The following ATP6V1D variants were observed in gnomAD, a reference collection of about 807,000 sequenced individuals.
ATP6V1D encodes the protein ATPase H+ transporting V1 subunit D.
Under a neutral mutation model 39.4 loss-of-function variants are expected in ATP6V1D, and 20 were observed. The ratio of observed to expected loss-of-function variants is 0.51; its 90% CI spans 0.36 to 0.74. The LOEUF is 0.74. ATP6V1D is among the 30% of genes least tolerant of loss of function. The pLI, the probability that ATP6V1D is intolerant of heterozygous loss-of-function variation, is 0.00. For missense variants in ATP6V1D, 228 were observed against 291.6 expected (o/e 0.78, Z 1.59); for synonymous variants, 100 against 100.5 (o/e 0.99, Z 0.03).
chr14:67,352,915 C>A lies in ATP6V1D; in HGVS notation c.159+8G>T. On this transcript the variant is annotated splice_region_variant and intron_variant, in intron 2 of 8. Coordinates refer to ENST00000216442, the MANE Select transcript of ATP6V1D (RefSeq NM_015994.4). ...AATAAATACTATTCTAAGAAAAGTT[C>A]ATTCTACCTCTATTATCTTCTTTAG... 2 of 1,573,928 alleles carry A rather than the reference C, an allele frequency of 1.3e-6. No homozygotes were observed. Among genetic ancestry groups the A allele is most frequent in the Non-Finnish European group, 1.7e-6 (2 of 1,150,448 alleles).
At position 67,352,927 on chromosome 14, in the gene ATP6V1D, A is replaced by G; in HGVS notation, c.155T>C (p.Ile52Thr). The G allele has an allele frequency of 6.2e-7, 1 of 1,600,122 alleles. No individual in the cohort carries two copies. The highest frequency in any genetic ancestry group is 8.6e-7 in the Non-Finnish European group (1 of 1,168,688). ...LRFRQILKKI[I>T]ETKMLMGEVM... ...TCTAAGAAAAGTTCATTCTACCTCT[A>G]TTATCTTCTTTAGGATCTGTCGAAA... Residue 52 changes from isoleucine to threonine, a missense_variant, in exon 2 of 9, where the codon ATA becomes ACA. Around this residue, in one of 3 missense-constraint regions of ATP6V1D, gnomAD observed 104 missense variants for 120.2 expected, o/e 0.87. Transcript: ENST00000216442.
chr14:67,343,446 A>G lies in ATP6V1D; in HGVS notation c.457-8T>C. The G allele has an allele frequency of 6.3e-7, 1 of 1,576,156 alleles. No individual in the cohort carries two copies. Among genetic ancestry groups the G allele is most frequent in the Non-Finnish European group, 8.7e-7 (1 of 1,146,190 alleles). ...CAAAGTAACAAAAGAAGTCTAAAATAAGAACAAATTAATAATGTAAGCACA... is the reference window on the plus strand; with the variant it reads ...CAAAGTAACAAAAGAAGTCTAAAATGAGAACAAATTAATAATGTAAGCACA... On this transcript the variant is annotated splice_polypyrimidine_tract_variant and splice_region_variant and intron_variant, in intron 6 of 8. Coordinates refer to ENST00000216442, the MANE Select transcript of ATP6V1D (RefSeq NM_015994.4).
chr14:67,359,538 C>G, intron 1 of ATP6V1D, 120 bp downstream of exon 1: 1 of 1,156,634 alleles, frequency 8.6e-7, no homozygotes, highest in Non-Finnish European at 1.2e-6. Context: ...AGAAAAGAAC[C>G]TGGGAAAAGC....
At chr14:67,352,164 T>C (rs1045926433) in intron 2 of ATP6V1D, among the ~76,000 whole-genome samples, 1 of 151,850 alleles carries the variant, frequency 6.6e-6, no homozygotes, top group East Asian at 1.9e-4. Context: ...TCATAGAAAA[T>C]GCTTTTGTTA....
chr14:67,357,255 T>C (rs553550556), intron 1 of ATP6V1D, among the ~76,000 whole-genome samples: 231 of 152,388 alleles, frequency 1.5e-3, no homozygotes, highest in Non-Finnish European at 2.5e-3. Flanking sequence ...GCTGCCAGTA[T>C]ATTTTCTAGC....
chr14:67,342,684 A>G (rs1466641111), intron 7 of ATP6V1D, among the ~76,000 whole-genome samples: 1 of 150,516 alleles, frequency 6.6e-6, no homozygotes, highest in African/African-American at 2.4e-5. Flanking sequence ...TATATAGTTA[A>G]TATAACAGTT....
chr14:67,358,363 C>T (rs1159868079), intron 1 of ATP6V1D, among the ~76,000 whole-genome samples: 1 of 152,140 alleles, frequency 6.6e-6, no homozygotes, highest in African/African-American at 2.4e-5. Flanking sequence ...GCTATTTAGT[C>T]ACCGGGCAGA....
chr14:67,338,748 T>C lies in ATP6V1D; in HGVS notation c.617A>G (p.Gln206Arg). 6.2e-7 allele frequency: 1 copy of C among 1,612,648 alleles called. No homozygotes were observed. The highest frequency in any genetic ancestry group is 8.5e-7 in the Non-Finnish European group (1 of 1,178,768). Residue 206 changes from glutamine to arginine, a missense_variant, in exon 9 of 9, where the codon CAA becomes CGA. Coordinates refer to ENST00000216442, the MANE Select transcript of ATP6V1D (RefSeq NM_015994.4). ...TTCCTTTAGAATCTTTTTCTTCTCTTGTATTTTCTTTAACCTGTAAAATAC... is the reference window on the plus strand; with the variant it reads ...TTCCTTTAGAATCTTTTTCTTCTCTCGTATTTTCTTTAACCTGTAAAATAC... ...REEFYRLKKIQEKKKILKEKS... is the reference protein window; with the variant it reads ...REEFYRLKKIREKKKILKEKS...
chr14:67,340,249 A>T (rs934531153), intron 8 of ATP6V1D, 191 bp downstream of exon 8: 3 of 543,770 alleles, frequency 5.5e-6, no homozygotes, highest in South Asian at 2.8e-5. Flanking sequence ...ATGCCATGTT[A>T]TAGGTACATG....
intron 7 of ATP6V1D, among the ~76,000 whole-genome samples, chr14:67,341,642 T>A (rs1042568335): frequency 1.8e-4 from 27 of 151,774 alleles, no homozygotes; most frequent in Admixed American, 1.6e-3. Flanking sequence ...TACTGGGAAG[T>A]GAGGAGCCCC....
intron 6 of ATP6V1D, among the ~76,000 whole-genome samples, chr14:67,345,192 G>A (rs1021469966): frequency 9.5e-5 from 14 of 146,698 alleles, no homozygotes; most frequent in Non-Finnish European, 2.1e-4. Context: ...CAGTGAGCTG[G>A]GATTATGCCA....
chr14:67,350,466 G>A (rs2085648468), intron 3 of ATP6V1D, 145 bp downstream of exon 3: 2 of 593,028 alleles, frequency 3.4e-6, no homozygotes, highest in East Asian at 3.2e-5. Context: ...GAGTTAAGGT[G>A]ATGGGGTTAA....
intron 8 of ATP6V1D, among the ~76,000 whole-genome samples, chr14:67,339,572 T>C (rs1033123436): frequency 6.6e-6 from 1 of 152,196 alleles, no homozygotes; most frequent in South Asian, 2.1e-4. Context: ...TTAGTATTTA[T>C]ACCTGTTGAC....
At chr14:67,352,296 C>G (rs1366307784) in intron 2 of ATP6V1D, among the ~76,000 whole-genome samples, 2 of 151,706 alleles carry the variant, frequency 1.3e-5, no homozygotes, top group Non-Finnish European at 2.9e-5. Context: ...ATAGTGAGAC[C>G]TCGTCTCTAC....
At chr14:67,349,601 G>A (rs983894998) in intron 3 of ATP6V1D, among the ~76,000 whole-genome samples, 2 of 152,200 alleles carry the variant, frequency 1.3e-5, no homozygotes, top group East Asian at 1.9e-4. Context: ...TTGGGAGGCC[G>A]AGGCAGGAGG....
At chr14:67,353,239 C>T (rs1363265359) in intron 1 of ATP6V1D, among the ~76,000 whole-genome samples, 199 bp from the exon 2 acceptor site, 1 of 152,186 alleles carries the variant, frequency 6.6e-6, no homozygotes, top group Non-Finnish European at 1.5e-5. Flanking sequence ...GAAACAATCT[C>T]CAATGCAACA....
At chr14:67,344,364 T>A (rs913715647) in intron 6 of ATP6V1D, among the ~76,000 whole-genome samples, 30 of 152,182 alleles carry the variant, frequency 2.0e-4, no homozygotes, top group Non-Finnish European at 2.9e-5. Flanking sequence ...ATCAAATCAT[T>A]TCTGCTTCAA....
chr14:67,344,023 A>G (rs2085604308), intron 6 of ATP6V1D, among the ~76,000 whole-genome samples: 1 of 152,194 alleles, frequency 6.6e-6, no homozygotes, highest in Non-Finnish European at 1.5e-5. Flanking sequence ...CTGAGTAAGG[A>G]AATCTTAAGT....
chr14:67,355,033 A>T (rs2085676570), intron 1 of ATP6V1D, among the ~76,000 whole-genome samples: 1 of 152,076 alleles, frequency 6.6e-6, no homozygotes, highest in African/African-American at 2.4e-5. Flanking sequence ...GCTGGTCTCG[A>T]ACTCCTGACC....
Sources: allele counts gnomAD v4.1 joint callset (sites outside exome capture counted in the v4.1 genomes callset), GRCh38; gene constraint gnomAD v4.1.1; regional missense constraint gnomAD v4.1.1; transcripts MANE v1.5; gene names NCBI Gene and HGNC (gene_info 2026-07-23, HGNC 2026-07-21).